Variants in FGF14 observed in about 807,000 individuals in gnomAD.
FGF14 encodes fibroblast growth factor homologous factor 4.
A neutral mutation model predicts 25.5 loss-of-function variants in FGF14; 5 were observed. The observed-to-expected ratio is 0.20, with a 90% CI of 0.10 to 0.41. FGF14 has a LOEUF of 0.41. Among genes scored for constraint, FGF14 ranks in the 10% least tolerant of loss-of-function variants. The pLI, the probability that FGF14 is intolerant of heterozygous loss-of-function variation, is 1.00. For missense variants in FGF14, 222 were observed against 320.1 expected, an observed-to-expected ratio of 0.69 and a Z score of 2.34; for synonymous variants, 138 against 118.3, an observed-to-expected ratio of 1.17 and a Z score of -1.08.
At chr13:101,733,326 C>T (rs999371362) in intron 3 of FGF14, among the ~76,000 whole-genome samples, 1 of 151,932 alleles carries the variant, frequency 6.6e-6, no homozygotes, top group African/African-American at 2.4e-5. Flanking sequence ...TGGCAGTGCA[C>T]GGTGGTCACT....
intron 1 of FGF14, among the ~76,000 whole-genome samples, chr13:101,924,757 T>C (rs868177790): frequency 2.0e-5 from 3 of 152,200 alleles, no homozygotes; most frequent in Non-Finnish European, 2.9e-5. Context: ...TGTTAAATGA[T>C]TGCCAAAGTT....
intron 1 of FGF14, among the ~76,000 whole-genome samples, chr13:102,085,452 C>A (rs753083896): frequency 1.3e-5 from 2 of 152,132 alleles, no homozygotes; most frequent in African/African-American, 2.4e-5. Context: ...TTTTCTAAAT[C>A]AATTTATTGT....
At chr13:102,384,106 A>G (rs562591065) in intron 1 of FGF14, among the ~76,000 whole-genome samples, 29 of 152,152 alleles carry the variant, frequency 1.9e-4, no homozygotes, top group Admixed American at 7.2e-4. Context: ...ATTCAAAACT[A>G]TTTTTCTAGT....
chr13:102,350,648 T>C (rs1372629712), intron 1 of FGF14, among the ~76,000 whole-genome samples: 5 of 152,202 alleles, frequency 3.3e-5, no homozygotes, highest in East Asian at 1.9e-4. Context: ...CCATAGCCTT[T>C]GTATAGAACA....
At chr13:102,210,294 T>C (rs763128032) in intron 1 of FGF14, among the ~76,000 whole-genome samples, 11 of 152,006 alleles carry the variant, frequency 7.2e-5, no homozygotes, top group African/African-American at 1.2e-4. Flanking sequence ...AAGGAAAGGA[T>C]AGAAAAATTT....
chr13:102,150,526 CGTT>C (rs2047039276), intron 1 of FGF14, among the ~76,000 whole-genome samples: 4 of 152,198 alleles, frequency 2.6e-5, no homozygotes, highest in South Asian at 4.2e-4. Flanking sequence ...GCTTTGTGGT[CGTT>C]ATTTGTCCTA....
chr13:102,369,162 T>C (rs1282820713), intron 1 of FGF14, among the ~76,000 whole-genome samples: 1 of 152,194 alleles, frequency 6.6e-6, no homozygotes, highest in African/African-American at 2.4e-5. Flanking sequence ...CTGGCTGATG[T>C]CCTTTGAATG....
intron 1 of FGF14, among the ~76,000 whole-genome samples, chr13:102,194,004 T>C (rs1388016019): frequency 1.3e-5 from 2 of 152,082 alleles, no homozygotes; most frequent in African/African-American, 4.8e-5. Flanking sequence ...TTACAATTAT[T>C]TTCAAAGACC....
rs563543508 is a variant in FGF14, at chr13:101,866,229, T to C, written c.408+2496A>G. On this transcript the variant is annotated intron_variant, in intron 3 of 4. Coordinates refer to ENST00000376143, the MANE Select transcript of FGF14 (RefSeq NM_004115.4). ...TTGCACTGAAATACAGTTTATTTCC[T>C]AGGTAACAATTCCCTAAAAGTTTTT... 6.6e-5 allele frequency among the ~76,000 whole-genome samples: 10 copies of C among 152,284 alleles called. No homozygotes were observed. In the East Asian group the frequency reaches 1.3e-3, roughly 21 times the overall value.
chr13:102,110,288 G>A (rs1034528412), intron 1 of FGF14, among the ~76,000 whole-genome samples: 1 of 152,030 alleles, frequency 6.6e-6, no homozygotes, highest in Non-Finnish European at 1.5e-5. Context: ...TGCCATCAGG[G>A]GTTGCTCTTC....
At chr13:101,952,975 A>C (rs61965229) in intron 1 of FGF14, among the ~76,000 whole-genome samples, 4,458 of 152,300 alleles carry the variant, frequency 0.029, 96 homozygotes, top group Middle Eastern at 0.048. Flanking sequence ...TAGAGGTTGC[A>C]GTGAGCCAAG....
chr13:102,096,588 C>T (rs778499573), intron 1 of FGF14, among the ~76,000 whole-genome samples: 4 of 152,184 alleles, frequency 2.6e-5, no homozygotes, highest in South Asian at 4.2e-4. Flanking sequence ...CCAAGAAAGG[C>T]GATTATATTT....
intron 1 of FGF14, among the ~76,000 whole-genome samples, chr13:102,277,437 C>T (rs1210779580): frequency 1.3e-5 from 2 of 152,202 alleles, no homozygotes; most frequent in African/African-American, 2.4e-5. Context: ...AGCATGCTGG[C>T]CCCACCGCGT....
chr13:101,775,410 A>G (rs2039045551), intron 3 of FGF14, among the ~76,000 whole-genome samples: 1 of 152,140 alleles, frequency 6.6e-6, no homozygotes, highest in Non-Finnish European at 1.5e-5. Context: ...CACAGATGAT[A>G]TGAGAAAAAG....
At chr13:102,366,618 C>T (rs201477860) in intron 1 of FGF14, 1 of 46,792 alleles carries the variant, frequency 2.1e-5, no homozygotes, top group Non-Finnish European at 4.2e-5. Context: ...ATTCTCCTTG[C>T]AAAAAAAAAA....
chr13:101,743,531 C>A (rs4772409), intron 3 of FGF14, among the ~76,000 whole-genome samples: 21,096 of 152,182 alleles, frequency 0.14, 1,504 homozygotes, highest in Non-Finnish European at 0.15. Context: ...TTAATAAAAA[C>A]TGAATGAGGG....
chr13:102,372,232 T>C (rs951514918), intron 1 of FGF14, among the ~76,000 whole-genome samples: 1 of 152,160 alleles, frequency 6.6e-6, no homozygotes, highest in Admixed American at 6.5e-5. Flanking sequence ...AATTCCTACA[T>C]AGCACGTAGG....
At chr13:101,930,752 A>G (rs1222155366) in intron 1 of FGF14, among the ~76,000 whole-genome samples, 2 of 152,200 alleles carry the variant, frequency 1.3e-5, no homozygotes, top group Non-Finnish European at 2.9e-5. Context: ...CCCTCTAGGT[A>G]TGTCAAGGAA....
At chr13:102,120,207 C>T in intron 1 of FGF14, among the ~76,000 whole-genome samples, 1 of 151,914 alleles carries the variant, frequency 6.6e-6, no homozygotes, top group East Asian at 1.9e-4. Flanking sequence ...CAAAGGCAGA[C>T]AAATGTGAAC....
Sources: allele counts gnomAD v4.1 joint callset (sites outside exome capture counted in the v4.1 genomes callset), GRCh38; gene constraint gnomAD v4.1.1; transcripts MANE v1.5; gene names NCBI Gene and HGNC (gene_info 2026-07-23, HGNC 2026-07-21).